BCO2: variants seen among roughly 807,000 people sequenced by gnomAD.
The protein encoded by BCO2 is carotenoid-cleaving dioxygenase, mitochondrial.
In BCO2, 56 loss-of-function variants were observed where a neutral mutation model predicts 65.8. The ratio of observed to expected loss-of-function variants is 0.85; its 90% CI spans 0.69 to 1.06. BCO2 has a LOEUF of 1.06. BCO2 is among the 50% of genes least tolerant of loss of function. The probability of loss-of-function intolerance (pLI) is 0.00; values close to 1 mark genes in which losing one functional copy is unlikely to be tolerated. For missense variants in BCO2, 675 were observed against 698.5 expected (o/e 0.97, Z 0.38); for synonymous variants, 233 against 242.3 (o/e 0.96, Z 0.36).
chr11:112,184,909 G>A (rs1225274899), intron 2 of BCO2, among the ~76,000 whole-genome samples: 1 of 152,112 alleles, frequency 6.6e-6, no homozygotes, highest in Non-Finnish European at 1.5e-5. Context: ...TTGGGGGAAT[G>A]ACATATCTTT....
At chr11:112,180,678 TG>T in intron 2 of BCO2, 1 of 605,280 alleles carries the variant, frequency 1.7e-6, no homozygotes, top group Non-Finnish European at 3.0e-6. Flanking sequence ...CGAATCCAAG[TG>T]GGTGGAGGGG....
At chr11:112,190,580 G>A (rs540530060) in intron 2 of BCO2, among the ~76,000 whole-genome samples, 30 of 152,198 alleles carry the variant, frequency 2.0e-4, no homozygotes, top group Non-Finnish European at 3.8e-4. Flanking sequence ...GGTTTGGCTG[G>A]GCGCAGTGGC....
At position 112,216,236 on chromosome 11, in the gene BCO2, G is replaced by A. The variant is rs776951309; in HGVS notation, c.1532G>A (p.Gly511Asp). ...NKTLKVWRED[G>D]FYPSEPVFVP... ...GACTTGCAGGTTTGGAGAGAAGATGGCTTTTATCCCTCAGAACCTGTTTTT... is the reference window on the plus strand; with the variant it reads ...GACTTGCAGGTTTGGAGAGAAGATGACTTTTATCCCTCAGAACCTGTTTTT... The change falls in exon 11 of 12, where the codon GGC becomes GAC. Residue 511 changes from glycine to aspartate, a missense_variant. By Grantham distance (94) the Gly-to-Asp change is moderately conservative. Coordinates refer to ENST00000357685, the MANE Select transcript of BCO2 (RefSeq NM_031938.7). 5 of 1,613,912 alleles carry A rather than the reference G, an allele frequency of 3.1e-6. No homozygotes were observed. In the African/African-American group the frequency reaches 5.3e-5, roughly 17 times the overall value.
At position 112,194,701 on chromosome 11, in the gene BCO2, C is replaced by T; in HGVS notation, c.682C>T (p.His228Tyr). Reference protein sequence around the residue: ...IAVNGATAHPHYDLDGTAYNM... With the variant: ...IAVNGATAHPYYDLDGTAYNM... ...TGTGAATGGAGCAACTGCACATCCT[C>T]ATTATGACCTGGATGGAACAGCATA... Residue 228 changes from histidine to tyrosine, a missense_variant, in exon 5 of 12, where the codon CAT (histidine) becomes TAT (tyrosine). Physicochemically the swap from His to Tyr is moderately conservative, Grantham distance 83 (BLOSUM62 2). Coordinates refer to ENST00000357685, the MANE Select transcript of BCO2 (RefSeq NM_031938.7). The T allele has an allele frequency of 6.2e-7, 1 of 1,613,432 alleles. No individual in the cohort carries two copies. Among genetic ancestry groups the T allele is most frequent in the South Asian group, 1.1e-5 (1 of 90,962 alleles).
At chr11:112,215,999 G>A (rs1859666275) in intron 10 of BCO2, 4 of 495,894 alleles carry the variant, frequency 8.1e-6, no homozygotes, top group Non-Finnish European at 1.5e-5. Context: ...TGTCACCAAG[G>A]GGATGGTGCT....
chr11:112,214,147 T>A (rs1859590546), intron 9 of BCO2, among the ~76,000 whole-genome samples: 2 of 152,134 alleles, frequency 1.3e-5, no homozygotes, highest in African/African-American at 4.8e-5. Context: ...TTTTATTTTT[T>A]ATTTATTTTT....
intron 5 of BCO2, among the ~76,000 whole-genome samples, chr11:112,197,478 G>A (rs1257551772): frequency 6.6e-6 from 1 of 151,738 alleles, no homozygotes; most frequent in Admixed American, 6.6e-5. Context: ...AGACCAGAAG[G>A]TTGAGGCTGC....
At chr11:112,180,782 A>C in intron 2 of BCO2, 1 of 975,172 alleles carries the variant, frequency 1.0e-6, no homozygotes, top group Admixed American at 1.7e-5. Context: ...GATGAGGCGG[A>C]TGACCCTGTT....
In BCO2 at chr11:112,179,263, G is replaced by T; in HGVS notation, c.89-15G>T. On this transcript the variant is annotated splice_polypyrimidine_tract_variant and intron_variant, in intron 1 of 11. Coordinates refer to ENST00000357685, the MANE Select transcript of BCO2 (RefSeq NM_031938.7). ...TGGTAAAATATTTTTTGTGCTTTTGGTTTCCTCTGCACAGTTTTCAAAAGG... is the reference window on the plus strand; with the variant it reads ...TGGTAAAATATTTTTTGTGCTTTTGTTTTCCTCTGCACAGTTTTCAAAAGG... 6.2e-7 allele frequency: 1 copy of T among 1,611,302 alleles called. No homozygotes were observed. Among genetic ancestry groups the T allele is most frequent in the Non-Finnish European group, 8.5e-7 (1 of 1,178,056 alleles).
At position 112,175,694 on chromosome 11, in the gene BCO2, A is replaced by T; in HGVS notation, c.88+5A>T. The T allele has an allele frequency of 6.2e-7, 1 of 1,610,506 alleles. No homozygotes were observed. The highest frequency in any genetic ancestry group is 8.5e-7 in the Non-Finnish European group (1 of 1,176,668). The stretch of plus-strand genomic sequence containing the variant: ...TGATGGTGCACCGGCTCCCAGGTAG[A>T]GGGTTTGCCCCTTTCTCTTCCTCAT... On this transcript the variant is annotated splice_donor_5th_base_variant and intron_variant, in intron 1 of 11. Coordinates refer to ENST00000357685, the MANE Select transcript of BCO2 (RefSeq NM_031938.7).
Position 112,217,752 on chromosome 11 carries a change from C to G in BCO2, c.1627-9C>G, listed in dbSNP as rs766530667. ...AAGATAATTTTCAATATTGTCTTTT[C>G]TTTTCTAGAATGAAAGCAATTTTAT... On this transcript the variant is annotated splice_polypyrimidine_tract_variant and intron_variant, in intron 11 of 11. Transcript: ENST00000357685. 10 of 1,586,300 alleles carry G rather than the reference C, an allele frequency of 6.3e-6. No individual in the cohort carries two copies. The highest frequency in any genetic ancestry group is 6.0e-6 in the Non-Finnish European group (7 of 1,158,486).
intron 5 of BCO2, among the ~76,000 whole-genome samples, chr11:112,199,300 A>G (rs1307666377): frequency 6.6e-6 from 1 of 152,084 alleles, no homozygotes; most frequent in Non-Finnish European, 1.5e-5. Context: ...ATCCTTTTTT[A>G]TGGCTGCATA....
chr11:112,208,932 A>G (rs2135390489), intron 8 of BCO2: 1 of 157,758 alleles, frequency 6.3e-6, no homozygotes, highest in Non-Finnish European at 1.4e-5. Context: ...CAGACAAAAG[A>G]ATTACCTTTA....
rs1859668257 is a variant in BCO2, at chr11:112,216,065, C to T, written c.1516-155C>T. 7 of 620,692 alleles carry T rather than the reference C, an allele frequency of 1.1e-5. 1 individual carries two copies. The South Asian group carries it at 1.3e-4, about 12-fold the overall frequency. 38.4% of individuals were successfully genotyped at this position (620,692 alleles called of 1,614,324 possible). On this transcript the variant is annotated intron_variant, in intron 10 of 11. Coordinates refer to ENST00000357685, the MANE Select transcript of BCO2 (RefSeq NM_031938.7). ...CCCAGCACTTCCCACTAGGCCCCAC[C>T]TTCAGCACTGGGCTCAGCACTCCAG...
chr11:112,181,592 A>C (rs1235502735), intron 2 of BCO2: 1 of 758,878 alleles, frequency 1.3e-6, no homozygotes, highest in Non-Finnish European at 2.5e-6. Flanking sequence ...GTGTTAGAAG[A>C]AGCAAGATTT....
chr11:112,178,617 G>T (rs1424411526), intron 1 of BCO2, among the ~76,000 whole-genome samples: 1 of 152,176 alleles, frequency 6.6e-6, no homozygotes, highest in Non-Finnish European at 1.5e-5. Context: ...AGAAGTTTCA[G>T]TTCCTTATTA....
At chr11:112,197,791 C>A (rs115030206) in intron 5 of BCO2, among the ~76,000 whole-genome samples, 3,270 of 152,286 alleles carry the variant, frequency 0.021, 117 homozygotes, top group African/African-American at 0.073. Flanking sequence ...CTTCTCTGAG[C>A]TTACCTCCTA....
rs1410686417 is a variant in BCO2 at position 112,200,517 on chromosome 11, C to A, written c.866-96C>A. On this transcript the variant is annotated intron_variant, in intron 6 of 11. Coordinates refer to ENST00000357685, the MANE Select transcript of BCO2 (RefSeq NM_031938.7). Reference sequence around the variant, plus strand: ...TGGCATTTGTTTAGGGCATCAGTAACGTGTCCAGGCATTCAGACAAGTCCC... The same window carrying A: ...TGGCATTTGTTTAGGGCATCAGTAAAGTGTCCAGGCATTCAGACAAGTCCC... 9 of 1,072,120 alleles carry A rather than the reference C, an allele frequency of 8.4e-6. No individual in the cohort carries two copies. The East Asian group carries it at 2.2e-4, about 26-fold the overall frequency. 66.4% of individuals were successfully genotyped at this position (1,072,120 alleles called of 1,614,324 possible). A position where few individuals can be genotyped will look rare whatever the true frequency, so the allele number is the denominator to read the frequency against.
In BCO2 at chr11:112,189,264, T is replaced by C. The variant is rs2135361740; in HGVS notation, c.294-4210T>C. ...AGCACTTTGGGAGCTCAAGGCAGGA[T>C]AACCTCAGCACTTTGGGAGGGTGAG... On this transcript the variant is annotated intron_variant, in intron 2 of 11. Transcript: ENST00000357685. 1.3e-5 allele frequency among the ~76,000 whole-genome samples: 2 copies of C among 152,218 alleles called. 1 individual carries two copies. Among genetic ancestry groups the C allele is most frequent in the South Asian group, 4.1e-4 (2 of 4,828 alleles).
Sources: gnomAD v4.1 joint callset for allele counts (sites outside exome capture counted in the v4.1 genomes callset) on GRCh38, gnomAD v4.1.1 for gene constraint, MANE v1.5 for transcripts, NCBI Gene and HGNC (gene_info 2026-07-23, HGNC 2026-07-21) for gene names.